IL1RAPL1: variants seen among roughly 807,000 people sequenced by gnomAD.
IL1RAPL1 encodes interleukin-1 receptor accessory protein-like 1.
In IL1RAPL1, 3 loss-of-function variants were observed where a neutral mutation model predicts 48.4. The ratio of observed to expected loss-of-function variants is 0.06; its 90% CI spans 0.03 to 0.16. The LOEUF (loss-of-function observed/expected upper bound fraction) is 0.16, where lower values mean the gene tolerates loss of function less well. IL1RAPL1 is among the 10% of genes least tolerant of loss of function. The pLI, the probability that IL1RAPL1 is intolerant of heterozygous loss-of-function variation, is 1.00. For synonymous variants in IL1RAPL1, 185 were observed against 187.7 expected (o/e 0.99, Z 0.12); for missense variants, 349 against 530.6 (o/e 0.66, Z 3.36).
At chrX:29,772,616 T>G (rs185348627) in intron 6 of IL1RAPL1, among the ~76,000 whole-genome samples, 32 of 112,212 alleles carry the variant, frequency 2.9e-4, no homozygotes, top group African/African-American at 8.1e-4. Context: ...TATTGCTTTA[T>G]TTATTTTAAT....
chrX:29,936,444 T>G (rs1209024169), intron 8 of IL1RAPL1, among the ~76,000 whole-genome samples: 2 of 109,194 alleles, frequency 1.8e-5, no homozygotes, highest in African/African-American at 6.7e-5. Context: ...GAACCAACTT[T>G]AGGATAAACT....
chrX:29,560,846 T>C (rs1005147637), intron 5 of IL1RAPL1, among the ~76,000 whole-genome samples: 3 of 112,290 alleles, frequency 2.7e-5, no homozygotes, highest in African/African-American at 9.7e-5. Flanking sequence ...TGTCAGGCAG[T>C]TCTTAGATCT....
intron 5 of IL1RAPL1, among the ~76,000 whole-genome samples, chrX:29,500,575 C>A (rs1266171890): frequency 8.9e-6 from 1 of 112,099 alleles, no homozygotes; most frequent in Non-Finnish European, 1.9e-5. Context: ...CCTCCATGTT[C>A]ATCCATGCTG....
intron 2 of IL1RAPL1, among the ~76,000 whole-genome samples, chrX:28,999,278 A>G (rs995912968): frequency 2.7e-5 from 3 of 111,602 alleles, no homozygotes; most frequent in Non-Finnish European, 3.8e-5. Flanking sequence ...TTAATCCAGA[A>G]ACAAAGTCTG....
intron 1 of IL1RAPL1, among the ~76,000 whole-genome samples, chrX:28,627,986 A>G (rs144343358): frequency 2.7e-5 from 3 of 111,688 alleles, no homozygotes; most frequent in African/African-American, 9.7e-5. Flanking sequence ...GGATAAAACA[A>G]TAAGGTCGCC....
At chrX:29,219,285 C>T (rs766146485) in intron 2 of IL1RAPL1, among the ~76,000 whole-genome samples, 1 of 111,400 alleles carries the variant, frequency 9.0e-6, no homozygotes, top group Non-Finnish European at 1.9e-5. Context: ...AAAATTATTG[C>T]TTTATTTATG....
intron 5 of IL1RAPL1, among the ~76,000 whole-genome samples, chrX:29,492,537 A>G (rs1199688284): frequency 1.7e-4 from 19 of 111,603 alleles, no homozygotes; most frequent in African/African-American, 3.9e-4. Flanking sequence ...CCCTTCTGCT[A>G]TCTTTAAAGG....
chrX:28,972,602 G>C (rs1601987829), intron 2 of IL1RAPL1, among the ~76,000 whole-genome samples: 1 of 110,849 alleles, frequency 9.0e-6, no homozygotes, highest in South Asian at 3.9e-4. Context: ...AGCCGGGCGT[G>C]GTGGCGGGTG....
intron 6 of IL1RAPL1, among the ~76,000 whole-genome samples, chrX:29,873,681 T>C (rs1255074730): frequency 8.9e-6 from 1 of 112,042 alleles, no homozygotes; most frequent in Admixed American, 9.5e-5. Context: ...CTTTGTGGTA[T>C]TTTTTGTTAT....
At chrX:29,890,040 AAAGAT>A (rs1320849243) in intron 6 of IL1RAPL1, among the ~76,000 whole-genome samples, 1 of 111,590 alleles carries the variant, frequency 9.0e-6, no homozygotes, top group Non-Finnish European at 1.9e-5. Flanking sequence ...TTTTATAACT[AAAGAT>A]AAGAATGTTA....
intron 1 of IL1RAPL1, among the ~76,000 whole-genome samples, chrX:28,596,045 C>T (rs1195262162): frequency 1.8e-5 from 2 of 111,314 alleles, no homozygotes; most frequent in African/African-American, 6.5e-5. Context: ...TTTAGCTTAG[C>T]TCTAGGAGGC....
At chrX:29,640,181 T>C (rs1007157196) in intron 5 of IL1RAPL1, among the ~76,000 whole-genome samples, 3 of 112,556 alleles carry the variant, frequency 2.7e-5, no homozygotes, top group Non-Finnish European at 3.8e-5. Context: ...GAAAAAATGC[T>C]AAGTACTAGC....
intron 5 of IL1RAPL1, among the ~76,000 whole-genome samples, chrX:29,499,321 G>T (rs778945890): frequency 5.3e-4 from 59 of 112,113 alleles, no homozygotes; most frequent in African/African-American, 1.6e-3. Context: ...TTAACGGATT[G>T]AAAGGTTTGT....
chrX:29,876,784 T>G (rs972449034), intron 6 of IL1RAPL1, among the ~76,000 whole-genome samples: 4 of 111,897 alleles, frequency 3.6e-5, no homozygotes, highest in African/African-American at 1.3e-4. Flanking sequence ...CTTATATCAA[T>G]GTACTTAAGC....
At chrX:28,629,127 C>A (rs1374831020) in intron 1 of IL1RAPL1, among the ~76,000 whole-genome samples, 1 of 111,530 alleles carries the variant, frequency 9.0e-6, no homozygotes, top group Non-Finnish European at 1.9e-5. Context: ...GCCAATGAGA[C>A]AGAATTCTCT....
chrX:29,538,338 CTTTTTT>C (rs397896582), intron 5 of IL1RAPL1, among the ~76,000 whole-genome samples: 4 of 83,623 alleles, frequency 4.8e-5, no homozygotes, highest in Non-Finnish European at 6.7e-5. Flanking sequence ...CTTTTCTTTT[CTTTTTT>C]TTTTTTTTTT....
At chrX:29,490,775 A>C (rs1935147963) in intron 5 of IL1RAPL1, among the ~76,000 whole-genome samples, 2 of 108,409 alleles carry the variant, frequency 1.8e-5, no homozygotes, top group Admixed American at 9.8e-5. Flanking sequence ...TTACACATAC[A>C]CACACTCATC....
At chrX:28,874,093 T>C (rs1418280498) in intron 2 of IL1RAPL1, among the ~76,000 whole-genome samples, 1 of 111,011 alleles carries the variant, frequency 9.0e-6, no homozygotes, top group East Asian at 2.8e-4. Context: ...AACTCAATAA[T>C]CAAGGGCCAA....
chrX:29,634,334 T>C (rs750958071), intron 5 of IL1RAPL1, among the ~76,000 whole-genome samples: 1 of 111,195 alleles, frequency 9.0e-6, no homozygotes, highest in Non-Finnish European at 1.9e-5. Context: ...CATCCCATAT[T>C]GAGGCAGAAA....
Sources: allele counts gnomAD v4.1 joint callset (sites outside exome capture counted in the v4.1 genomes callset), GRCh38; gene constraint gnomAD v4.1.1; transcripts MANE v1.5; gene names NCBI Gene and HGNC (gene_info 2026-07-23, HGNC 2026-07-21).